RYR1: variants seen among roughly 807,000 people sequenced by gnomAD.
The protein encoded by RYR1 is central core disease of muscle.
Under a neutral mutation model 583.5 loss-of-function variants are expected in RYR1, and 342 were observed. That is an observed-to-expected ratio of 0.59 (90% confidence interval 0.54 to 0.64). The LOEUF (loss-of-function observed/expected upper bound fraction) is 0.64, where lower values mean the gene tolerates loss of function less well. Among genes scored for constraint, RYR1 ranks in the 30% least tolerant of loss-of-function variants. RYR1 has a pLI of 0.00. For synonymous variants in RYR1, 2,791 were observed against 2,822.5 expected (o/e 0.99, Z 0.35); for missense variants, 6,032 against 6,917.2 (o/e 0.87, Z 4.54).
intron 19 of RYR1, 21 bp from the exon 20 acceptor site, chr19:38,460,354 C>G (rs945660075): frequency 1.9e-6 from 3 of 1,609,126 alleles, no homozygotes; most frequent in Non-Finnish European, 2.6e-6. Flanking sequence ...TCAATGATCC[C>G]CATTGTCCTT....
chr19:38,544,928 G>C (rs1600992535), intron 87 of RYR1, among the ~76,000 whole-genome samples: 1 of 152,324 alleles, frequency 6.6e-6, no homozygotes, highest in East Asian at 1.9e-4. Flanking sequence ...GGCTTAGAGT[G>C]ATGTCAGCAG....
intron 31 of RYR1, among the ~76,000 whole-genome samples, chr19:38,481,812 G>A (rs1969024542): frequency 6.6e-6 from 1 of 151,870 alleles, no homozygotes. Context: ...AATGGGCCGG[G>A]CGTGGTGGCT....
rs192239942 is a variant in RYR1 at position 38,499,838 on chromosome 19, C to G, written c.7214+17C>G. The G allele has an allele frequency of 7.5e-6, 12 of 1,610,504 alleles. No homozygotes were observed. The Admixed American group carries it at 2.0e-4, about 27-fold the overall frequency. Reference sequence around the variant, plus strand: ...GCGCGAGCAGTGAGTCTCCCGGCCCCCTCCTCAATAGGGCAACCCGCCCTC... The same window carrying G: ...GCGCGAGCAGTGAGTCTCCCGGCCCGCTCCTCAATAGGGCAACCCGCCCTC... On this transcript the variant is annotated intron_variant, in intron 44 of 105. Transcript: ENST00000359596. This position sits in a 1 kb window ranked among gnomAD's most constrained non-coding sequence, Gnocchi z 7.3.
At chr19:38,446,402 CTTCAT>C in intron 7 of RYR1, 65 bp from the exon 8 acceptor site, 1 of 1,211,834 alleles carries the variant, frequency 8.3e-7, no homozygotes, top group Non-Finnish European at 1.2e-6. Context: ...GGGCCCCTGA[CTTCAT>C]CTTGGCTCCT....
At chr19:38,527,522 T>A in intron 72 of RYR1, 125 bp from the exon 73 acceptor site, 7 of 1,284,066 alleles carry the variant, frequency 5.5e-6, no homozygotes, top group Non-Finnish European at 7.6e-6. Flanking sequence ...AACAAAAAGA[T>A]GAAGAAGAAG....
intron 76 of RYR1, among the ~76,000 whole-genome samples, chr19:38,530,423 C>G (rs1411740526): frequency 6.7e-6 from 1 of 148,904 alleles, no homozygotes; most frequent in Admixed American, 6.9e-5. Flanking sequence ...TGCCTCCATG[C>G]CTGGCTATTT....
Position 38,537,968 on chromosome 19 carries a change from G to A in RYR1, c.11689+8G>A. On this transcript the variant is annotated splice_region_variant and intron_variant, in intron 84 of 105. Coordinates refer to ENST00000359596, the MANE Select transcript of RYR1 (RefSeq NM_000540.3). ...GTGAGGGGCACAATAATGGTGAGGA[G>A]GAGGGGTGTGGGGTGGAGGGGAAGC... is the stretch of plus-strand genomic sequence containing the variant. 1.9e-6 allele frequency: 3 copies of A among 1,612,646 alleles called. No individual in the cohort carries two copies. The highest frequency in any genetic ancestry group is 2.2e-5 in the South Asian group (2 of 91,042).
chr19:38,557,051 C>CT (rs35027525), intron 89 of RYR1, among the ~76,000 whole-genome samples: 82,758 of 108,722 alleles, frequency 0.76, 33,273 homozygotes, highest in East Asian at 0.9. Context: ...AGTCTCATTT[C>CT]TTTTTTTTTT....
At chr19:38,475,808 G>A (rs952181401) in intron 29 of RYR1, among the ~76,000 whole-genome samples, 4 of 152,124 alleles carry the variant, frequency 2.6e-5, no homozygotes, top group Admixed American at 6.6e-5. Context: ...ATATATTACT[G>A]GGAACAAAAA....
intron 87 of RYR1, among the ~76,000 whole-genome samples, chr19:38,545,400 A>G (rs1972381890): frequency 6.6e-6 from 1 of 152,210 alleles, no homozygotes; most frequent in Non-Finnish European, 1.5e-5. Flanking sequence ...AACTGTGGAA[A>G]TACATTAGGA....
At chr19:38,545,243 T>TG (rs1316157194) in intron 87 of RYR1, among the ~76,000 whole-genome samples, 14 of 152,138 alleles carry the variant, frequency 9.2e-5, no homozygotes, top group African/African-American at 2.7e-4. Context: ...GACTGTGGGA[T>TG]GGGGGACTCC....
rs1973142026 is a variant in RYR1, at chr19:38,561,514, A to C, written c.12624+60A>C. Reference sequence around the variant, plus strand: ...TGGGGCTTCGGGCATGCGGGTGCTCACTTCCTGCACCCTCAGACCCCACGG... The same window carrying C: ...TGGGGCTTCGGGCATGCGGGTGCTCCCTTCCTGCACCCTCAGACCCCACGG... On this transcript the variant is annotated intron_variant, in intron 90 of 105. Coordinates refer to ENST00000359596, the MANE Select transcript of RYR1 (RefSeq NM_000540.3). The surrounding 1 kb of genome is among the most constrained non-coding windows in gnomAD (Gnocchi z 4.8). 1.3e-6 allele frequency: 2 copies of C among 1,502,208 alleles called. No individual in the cohort carries two copies. The allele number at this position is 1,502,208 out of a possible 1,614,324, so 93.1% of individuals were successfully genotyped here. A position where few individuals can be genotyped will look rare whatever the true frequency, so the allele number is the denominator to read the frequency against.
chr19:38,543,638 A>G lies in RYR1; in HGVS notation c.11885A>G (p.Asn3962Ser), dbSNP rs1002771389. 1.1e-5 allele frequency: 17 copies of G among 1,614,108 alleles called. No individual in the cohort carries two copies. The highest frequency in any genetic ancestry group is 1.3e-5 in the African/African-American group (1 of 75,054). Residue 3962 changes from asparagine (N) to serine (S), a missense_variant, in exon 86 of 106, where the codon AAC becomes AGC. Physicochemically the swap from Asn to Ser is conservative, Grantham distance 46 (BLOSUM62 1). Coordinates refer to ENST00000359596, the MANE Select transcript of RYR1 (RefSeq NM_000540.3). This position sits in a 1 kb window ranked among gnomAD's most constrained non-coding sequence, Gnocchi z 4.4. Reference protein sequence around the residue: ...KAMSVAKQVFNSLTEYIQGPC... With the variant: ...KAMSVAKQVFSSLTEYIQGPC... ...ATGTCGGTGGCTAAGCAGGTGTTCA[A>G]CAGCCTCACTGAGTACATCCAGGTA...
At chr19:38,581,466 C>T (rs1024521898) in intron 101 of RYR1, among the ~76,000 whole-genome samples, 2 of 152,166 alleles carry the variant, frequency 1.3e-5, no homozygotes, top group South Asian at 2.1e-4. Context: ...CTGCCCACCT[C>T]GGCCTCCCAA....
chr19:38,436,803 C>T (rs905886357), intron 1 of RYR1, among the ~76,000 whole-genome samples: 2 of 152,068 alleles, frequency 1.3e-5, no homozygotes, highest in Non-Finnish European at 2.9e-5. Context: ...CATTTTGCTT[C>T]GTTTGGTTAA....
chr19:38,507,094 G>A (rs2145639575), intron 57 of RYR1, 142 bp downstream of exon 57: 1 of 1,368,886 alleles, frequency 7.3e-7, no homozygotes, highest in Non-Finnish European at 1.0e-6. Context: ...AGGAGCTAAG[G>A]GAGTGGGGCC....
chr19:38,505,225 TTC>T, intron 52 of RYR1, 82 bp from the exon 53 acceptor site: 1 of 1,150,944 alleles, frequency 8.7e-7, no homozygotes, highest in Admixed American at 1.9e-5. Flanking sequence ...CCCCCCAGGA[TTC>T]TCTGTCCTCG....
rs79879493 is a variant in RYR1, at chr19:38,535,668, G to A, written c.11516+276G>A. On this transcript the variant is annotated intron_variant, in intron 81 of 105. Transcript: ENST00000359596. ...GGGAACTTGGCAGTGGGAGATTTAG[G>A]AGCTCTCTGATGATCCCAATTAATC... 14,856 of 595,228 alleles carry A rather than the reference G, an allele frequency of 0.025. 386 individuals are homozygous for A. The highest frequency in any genetic ancestry group is 0.085 in the Admixed American group (2,952 of 34,588). The allele number at this position is 595,228 out of a possible 1,614,324, so 36.9% of individuals were successfully genotyped here.
chr19:38,580,620 G>A, intron 101 of RYR1, 116 bp downstream of exon 101: 1 of 1,318,050 alleles, frequency 7.6e-7, no homozygotes, highest in Non-Finnish European at 1.1e-6. Flanking sequence ...AGTGCGTCGG[G>A]AGGCCGAGGC....
Sources: gnomAD v4.1 joint callset for allele counts (sites outside exome capture counted in the v4.1 genomes callset) on GRCh38, gnomAD v4.1.1 for gene constraint, Gnocchi (gnomAD v3.1) non-coding constraint, MANE v1.5 for transcripts, NCBI Gene and HGNC (gene_info 2026-07-23, HGNC 2026-07-21) for gene names.